The following TMEM161B variants were observed in gnomAD, a reference collection of about 807,000 sequenced individuals.
The protein encoded by TMEM161B is transmembrane protein 161B.
A neutral mutation model predicts 61.8 loss-of-function variants in TMEM161B; 34 were observed. The ratio of observed to expected loss-of-function variants is 0.55; its 90% confidence interval spans 0.42 to 0.73. The LOEUF is 0.73. Ranked by LOEUF, TMEM161B falls within the 30% of genes least tolerant of loss-of-function variation. TMEM161B has a pLI of 0.00. For missense variants in TMEM161B, 456 were observed against 558.5 expected (o/e 0.82, Z 1.85); for synonymous variants, 167 against 192.8 (o/e 0.87, Z 1.11).
chr5:88,224,969 T>TTG (rs1749755153), intron 4 of TMEM161B, among the ~76,000 whole-genome samples: 1 of 141,372 alleles, frequency 7.1e-6, no homozygotes, highest in African/African-American at 2.7e-5. Context: ...GTTTTTGTTT[T>TTG]TTTTTTTTTT....
In TMEM161B at chr5:88,240,805, T is replaced by C; in HGVS notation, c.107+8A>G. ...GTGTCAGTTGAAATCAGCCTATCCT[T>C]GCCTTACCTGCCATTACAGAGTAGC... On this transcript the variant is annotated splice_region_variant and intron_variant, in intron 2 of 11. Transcript: ENST00000296595. 1 of 1,602,488 alleles carries C rather than the reference T, an allele frequency of 6.2e-7. No individual in the cohort carries two copies. Among genetic ancestry groups the C allele is most frequent in the Non-Finnish European group, 8.5e-7 (1 of 1,170,130 alleles).
At chr5:88,220,001 A>C (rs1326880772) in intron 5 of TMEM161B, among the ~76,000 whole-genome samples, 1 of 152,072 alleles carries the variant, frequency 6.6e-6, no homozygotes. Context: ...GAAAAAAAAA[A>C]ACAGAAATGA....
chr5:88,209,408 C>A (rs1350029467), intron 5 of TMEM161B, among the ~76,000 whole-genome samples: 1 of 152,134 alleles, frequency 6.6e-6, no homozygotes, highest in Non-Finnish European at 1.5e-5. Context: ...AAAATAGTAT[C>A]TTTGGCCAAA....
At chr5:88,261,416 A>G (rs1324677398) in intron 1 of TMEM161B, among the ~76,000 whole-genome samples, 1 of 152,080 alleles carries the variant, frequency 6.6e-6, no homozygotes, top group Non-Finnish European at 1.5e-5. Context: ...AAGAAAAGAA[A>G]AGAAAAGAAA....
chr5:88,236,119 A>G (rs1282189588), intron 2 of TMEM161B, among the ~76,000 whole-genome samples: 1 of 152,198 alleles, frequency 6.6e-6, no homozygotes, highest in Non-Finnish European at 1.5e-5. Context: ...ACAGGCAAAA[A>G]GAATTAGAGC....
downstream of TMEM161B, among the ~76,000 whole-genome samples, chr5:88,191,982 GTATATATATATATATATATATATATA>G (rs67658909): frequency 1.6e-3 from 31 of 19,666 alleles, 1 homozygote; most frequent in African/African-American, 4.4e-3. Flanking sequence ...AAAAAAAAGT[GTATATATATATATATATATATATATA>G]TATATATATA....
chr5:88,253,612 G>A (rs1580708905), intron 1 of TMEM161B, among the ~76,000 whole-genome samples: 2 of 152,186 alleles, frequency 1.3e-5, no homozygotes, highest in East Asian at 3.9e-4. Context: ...TCTTCTGCAA[G>A]TACTTGGAAA....
chr5:88,225,922 T>C (rs1420015309), intron 3 of TMEM161B, 56 bp from the exon 4 acceptor site: 12 of 1,121,642 alleles, frequency 1.1e-5, no homozygotes, highest in African/African-American at 1.6e-5. Context: ...GTTATCCAAG[T>C]GCTTGTTTCA....
Position 88,202,141 on chromosome 5 carries a change from G to C in TMEM161B, c.914+821C>G, listed in dbSNP as rs1424284862. On this transcript the variant is annotated intron_variant, in intron 9 of 11. Transcript: ENST00000296595. ...TCATCTTCCAGATGGGGAAACAGAG[G>C]CTCAGTGAAGTTAAATAACCTGCCT... 5 of 454,182 alleles carry C rather than the reference G, an allele frequency of 1.1e-5. No individual in the cohort carries two copies. The East Asian group carries it at 3.5e-4, about 32-fold the overall frequency. The allele number at this position is 454,182 out of a possible 1,614,324, so 28.1% of individuals were successfully genotyped here. A position where few individuals can be genotyped will look rare whatever the true frequency, so the allele number is the denominator to read the frequency against.
At chr5:88,190,639 T>C (rs561252828), downstream of TMEM161B, among the ~76,000 whole-genome samples, 10 of 152,358 alleles carry the variant, frequency 6.6e-5, no homozygotes, top group Non-Finnish European at 1.3e-4. Flanking sequence ...GGAAGCTCGC[T>C]GGTGTCCTTT....
At chr5:88,243,698 T>C (rs1753126762) in intron 1 of TMEM161B, among the ~76,000 whole-genome samples, 1 of 151,946 alleles carries the variant, frequency 6.6e-6, no homozygotes, top group African/African-American at 2.4e-5. Context: ...CTGAACTAAT[T>C]TGCATTCCCA....
intron 1 of TMEM161B, among the ~76,000 whole-genome samples, chr5:88,249,711 G>A (rs752165940): frequency 1.2e-4 from 18 of 152,080 alleles, no homozygotes; most frequent in Non-Finnish European, 2.4e-4. Flanking sequence ...ATAGGGATGG[G>A]ACCTTTTAAG....
chr5:88,263,826 T>C (rs879662277), intron 1 of TMEM161B, among the ~76,000 whole-genome samples: 10 of 152,148 alleles, frequency 6.6e-5, no homozygotes, highest in Non-Finnish European at 1.5e-4. Flanking sequence ...ACCAACCAAA[T>C]ATTAACCAAG....
intron 1 of TMEM161B, among the ~76,000 whole-genome samples, chr5:88,262,383 A>G (rs1477969128): frequency 2.0e-5 from 3 of 152,152 alleles, no homozygotes; most frequent in Admixed American, 2.0e-4. Context: ...CATATGATCC[A>G]GCAATTGCAC....
chr5:88,265,389 C>T (rs1238368125), intron 1 of TMEM161B, among the ~76,000 whole-genome samples: 3 of 152,202 alleles, frequency 2.0e-5, no homozygotes, highest in Non-Finnish European at 4.4e-5. Context: ...CTCAGATCAT[C>T]AGGCATTAGA....
At chr5:88,232,722 C>T (rs915560862) in intron 2 of TMEM161B, among the ~76,000 whole-genome samples, 2 of 152,052 alleles carry the variant, frequency 1.3e-5, no homozygotes, top group East Asian at 1.9e-4. Flanking sequence ...TACTAGCGCC[C>T]GCCACCATGT....
At chr5:88,201,170 T>C (rs1449768511) in intron 9 of TMEM161B, 1 of 151,896 alleles carries the variant, frequency 6.6e-6, no homozygotes, top group Admixed American at 6.6e-5. Flanking sequence ...AGGTCAGAAA[T>C]GGGGATGGGA....
chr5:88,242,320 A>G (rs1001600782), intron 1 of TMEM161B, among the ~76,000 whole-genome samples: 5 of 151,674 alleles, frequency 3.3e-5, no homozygotes. Context: ...CTCAACTTAA[A>G]TCTCAGCAGT....
Position 88,196,005 on chromosome 5 carries a change from T to C in TMEM161B, c.*206A>G, listed in dbSNP as rs1244291619. On this transcript the variant is annotated 3_prime_UTR_variant, in exon 12 of 12. Coordinates refer to ENST00000296595, the MANE Select transcript of TMEM161B (RefSeq NM_153354.5). Reference sequence around the variant, plus strand: ...GAGTTAAAATTCCAATGCCACAGTGTAACAGTTAACAATCTATTTTGTAAT... The same window carrying C: ...GAGTTAAAATTCCAATGCCACAGTGCAACAGTTAACAATCTATTTTGTAAT... 1 of 1,349,852 alleles carries C rather than the reference T, an allele frequency of 7.4e-7. No individual in the cohort carries two copies. Among genetic ancestry groups the C allele is most frequent in the East Asian group, 3.0e-5 (1 of 33,570 alleles). 83.6% of individuals were successfully genotyped at this position (1,349,852 alleles called of 1,614,324 possible).
Sources: allele counts gnomAD v4.1 joint callset (sites outside exome capture counted in the v4.1 genomes callset), GRCh38; gene constraint gnomAD v4.1.1; transcripts MANE v1.5; gene names NCBI Gene and HGNC (gene_info 2026-07-23, HGNC 2026-07-21).